EFCAB6: variants seen among roughly 807,000 people sequenced by gnomAD.
EFCAB6 encodes the protein EF-hand calcium-binding domain-containing protein 6.
In EFCAB6, 156 loss-of-function variants were observed where a neutral mutation model predicts 169.8. That is an observed-to-expected ratio of 0.92 (90% CI 0.81 to 1.05). EFCAB6 has a LOEUF of 1.05. Among genes scored for constraint, EFCAB6 ranks in the 50% least tolerant of loss-of-function variants. The pLI is 0.00. For missense variants in EFCAB6, 1,800 were observed against 1,829.1 expected, an observed-to-expected ratio of 0.98 and a Z score of 0.29; for synonymous variants, 698 against 676.4, an observed-to-expected ratio of 1.03 and a Z score of -0.50.
intron 21 of EFCAB6, among the ~76,000 whole-genome samples, chr22:43,612,945 G>C (rs1457294581): frequency 2.0e-5 from 3 of 148,066 alleles, no homozygotes; most frequent in African/African-American, 7.4e-5. Context: ...AAGTTGCAGA[G>C]AAAAGGGAAC....
intron 20 of EFCAB6, among the ~76,000 whole-genome samples, chr22:43,620,307 TTAAAAAAAGAAAA>T (rs2054030769): frequency 6.6e-6 from 1 of 150,852 alleles, no homozygotes; most frequent in Non-Finnish European, 1.5e-5. Flanking sequence ...AGAGAGCTAG[TTAAAAAAAGAAAA>T]GAAAAGAAAA....
chr22:43,786,429 A>G (rs2062080087), intron 2 of EFCAB6, among the ~76,000 whole-genome samples: 1 of 151,302 alleles, frequency 6.6e-6, no homozygotes, highest in Non-Finnish European at 1.5e-5. Flanking sequence ...GACATTAGAA[A>G]AAAAGAAAGT....
intron 17 of EFCAB6, among the ~76,000 whole-genome samples, chr22:43,647,905 T>A (rs1319093847): frequency 6.6e-6 from 1 of 152,180 alleles, no homozygotes; most frequent in East Asian, 1.9e-4. Context: ...GATGAGAGCA[T>A]GGCTCTGCTG....
At chr22:43,794,285 C>T (rs1007810563) in intron 2 of EFCAB6, among the ~76,000 whole-genome samples, 19 of 152,200 alleles carry the variant, frequency 1.2e-4, no homozygotes, top group African/African-American at 4.6e-4. Context: ...TTTTGCTGGG[C>T]ACTGGGTGTT....
At chr22:43,596,167 T>G (rs2051988277) in intron 23 of EFCAB6, among the ~76,000 whole-genome samples, 2 of 152,166 alleles carry the variant, frequency 1.3e-5, no homozygotes, top group South Asian at 4.2e-4. Context: ...GTTGAAAGTC[T>G]TTACACTAAG....
intron 17 of EFCAB6, among the ~76,000 whole-genome samples, chr22:43,664,933 T>A (rs2057176538): frequency 6.6e-6 from 1 of 152,070 alleles, no homozygotes; most frequent in South Asian, 2.1e-4. Context: ...GATGCTGTGA[T>A]AATCACATGG....
intron 22 of EFCAB6, among the ~76,000 whole-genome samples, chr22:43,600,639 T>C (rs1213010099): frequency 8.0e-6 from 1 of 124,868 alleles, no homozygotes; most frequent in Non-Finnish European, 1.7e-5. Flanking sequence ...CCTCCATACG[T>C]TTAGCAGGGT....
intron 17 of EFCAB6, among the ~76,000 whole-genome samples, chr22:43,658,526 G>A (rs2056855770): frequency 6.6e-6 from 1 of 152,166 alleles, no homozygotes; most frequent in Admixed American, 6.5e-5. Flanking sequence ...AAGGATGGAA[G>A]CCCCCACACT....
rs143411266 is a variant in EFCAB6, at chr22:43,729,113, C to A, written c.757+2586G>T. Among the ~76,000 whole-genome samples the A allele has an allele frequency of 8.9e-3, 1,350 of 152,284 alleles. 20 individuals carry two copies. Among genetic ancestry groups the A allele is most frequent in the African/African-American group, 0.031 (1,306 of 41,560 alleles). On this transcript the variant is annotated intron_variant, in intron 8 of 31. Coordinates refer to ENST00000262726, the MANE Select transcript of EFCAB6 (RefSeq NM_022785.4). ...GCAAGGCAGAGGAGGAGGTGCCTGT[C>A]TCCTTTAAATACCAGCTCTTGTGTG...
intron 26 of EFCAB6, among the ~76,000 whole-genome samples, chr22:43,561,972 G>A (rs1035024043): frequency 2.6e-5 from 4 of 152,094 alleles, no homozygotes; most frequent in Non-Finnish European, 5.9e-5. Context: ...GGCTGGGCCC[G>A]GTCCGTGCTG....
At chr22:43,784,253 T>G (rs982077803) in intron 2 of EFCAB6, among the ~76,000 whole-genome samples, 2 of 152,044 alleles carry the variant, frequency 1.3e-5, no homozygotes, top group Admixed American at 6.6e-5. Flanking sequence ...ATGAAATTAC[T>G]CTTCAAAAGT....
intron 10 of EFCAB6, among the ~76,000 whole-genome samples, chr22:43,696,018 A>G (rs60023479): frequency 0.1 from 15,139 of 152,130 alleles, 799 homozygotes; most frequent in South Asian, 0.17. Flanking sequence ...AAGAAAATGA[A>G]AGAGCAAGCC....
intron 6 of EFCAB6, among the ~76,000 whole-genome samples, chr22:43,754,592 T>C (rs1398047076): frequency 6.6e-6 from 1 of 152,122 alleles, no homozygotes; most frequent in Non-Finnish European, 1.5e-5. Context: ...GGGAGGAGGA[T>C]GGGATAAAAA....
intron 15 of EFCAB6, among the ~76,000 whole-genome samples, chr22:43,670,207 AGCAAGTACACTTGTTTCT>A (rs1398932362): frequency 7.2e-5 from 11 of 152,352 alleles, no homozygotes; most frequent in African/African-American, 2.6e-4. Context: ...ATGAAAGCAC[AGCAAGTACACTTGTTTCT>A]GCAATGACAC....
At chr22:43,807,919 C>T (rs1008316659) in intron 2 of EFCAB6, among the ~76,000 whole-genome samples, 21 of 152,126 alleles carry the variant, frequency 1.4e-4, no homozygotes, top group Non-Finnish European at 1.5e-5. Context: ...AAATCAAAAC[C>T]TTTGACGTCA....
At chr22:43,613,412 A>G (rs537023426) in intron 21 of EFCAB6, among the ~76,000 whole-genome samples, 7 of 152,312 alleles carry the variant, frequency 4.6e-5, no homozygotes, top group Admixed American at 1.3e-4. Flanking sequence ...TATATACATC[A>G]TAGAATACTA....
Position 43,537,295 on chromosome 22 carries a change from G to C in EFCAB6, c.4048+82C>G, listed in dbSNP as rs541160522. 7.8e-5 allele frequency: 118 copies of C among 1,519,092 alleles called. 1 individual carries two copies. In the South Asian group the frequency reaches 1.4e-3, roughly 18 times the overall value. 94.1% of individuals were successfully genotyped at this position (1,519,092 alleles called of 1,614,324 possible). A position where few individuals can be genotyped will look rare whatever the true frequency, so the allele number is the denominator to read the frequency against. ...TGCTGCTCCCTGGCCTCCACCCGGG[G>C]TGTGGCTTTGTACCCAGTGGGAACA... On this transcript the variant is annotated intron_variant, in intron 29 of 31. Transcript: ENST00000262726. This position sits in a 1 kb window ranked among gnomAD's most constrained non-coding sequence, Gnocchi z 4.3.
In EFCAB6 at chr22:43,705,141, T is replaced by C. The variant is rs541465188; in HGVS notation, c.1031+6334A>G. On this transcript the variant is annotated intron_variant, in intron 10 of 31. Transcript: ENST00000262726. ...TTGTAAAAAGAAACAAAGGACATTATATAATGATAAAGGGGTCACTTCATC... is the reference window on the plus strand; with the variant it reads ...TTGTAAAAAGAAACAAAGGACATTACATAATGATAAAGGGGTCACTTCATC... 3.3e-5 allele frequency among the ~76,000 whole-genome samples: 5 copies of C among 152,132 alleles called. No homozygotes were observed. In the South Asian group the frequency reaches 6.2e-4, roughly 19 times the overall value.
At chr22:43,598,441 T>C (rs988630509) in intron 23 of EFCAB6, among the ~76,000 whole-genome samples, 2 of 149,150 alleles carry the variant, frequency 1.3e-5, no homozygotes, top group Admixed American at 6.7e-5. Context: ...ATAAGAGAAG[T>C]TGGATAAGGG....
Sources: gnomAD v4.1 joint callset for allele counts (sites outside exome capture counted in the v4.1 genomes callset) on GRCh38, gnomAD v4.1.1 for gene constraint, Gnocchi (gnomAD v3.1) non-coding constraint, MANE v1.5 for transcripts, NCBI Gene and HGNC (gene_info 2026-07-23, HGNC 2026-07-21) for gene names.